The following RAB27A variants were observed in gnomAD, a reference collection of about 807,000 sequenced individuals.
The protein encoded by RAB27A is ras-related protein Rab-27A.
RAB27A carries 17 observed loss-of-function variants against 20.8 expected under a neutral mutation model. The ratio of observed to expected loss-of-function variants is 0.82; its 90% CI spans 0.56 to 1.23. The LOEUF is 1.23. RAB27A is among the 50% of genes most tolerant of loss of function. RAB27A has a pLI of 0.00. For missense variants in RAB27A, 277 were observed against 266.7 expected, an observed-to-expected ratio of 1.04 and a Z score of -0.27; for synonymous variants, 85 against 92.8, an observed-to-expected ratio of 0.92 and a Z score of 0.48.
At chr15:55,285,068 G>T (rs973192535) in intron 1 of RAB27A, among the ~76,000 whole-genome samples, 7 of 152,226 alleles carry the variant, frequency 4.6e-5, no homozygotes, top group African/African-American at 1.7e-4. Flanking sequence ...GTGCATTTTG[G>T]ATAAAGAACA....
chr15:55,306,352 C>T (rs903096140), intron 2 of RAB27A, among the ~76,000 whole-genome samples: 10 of 152,214 alleles, frequency 6.6e-5, no homozygotes, highest in Middle Eastern at 3.4e-3. Flanking sequence ...GGGCCGAGAC[C>T]TCATGAAACC....
At chr15:55,221,490 A>C (rs1306942036) in intron 6 of RAB27A, among the ~76,000 whole-genome samples, 2 of 152,248 alleles carry the variant, frequency 1.3e-5, no homozygotes, top group East Asian at 3.9e-4. Flanking sequence ...GGGACATTTC[A>C]GACTGGCCGG....
upstream of RAB27A, among the ~76,000 whole-genome samples, chr15:55,291,494 G>A (rs889445913): frequency 3.9e-5 from 5 of 126,660 alleles, no homozygotes; most frequent in East Asian, 2.4e-4. Flanking sequence ...CTGGGCGACC[G>A]AGCGAGACTC....
At chr15:55,246,516 T>C (rs1595712160) in intron 2 of RAB27A, among the ~76,000 whole-genome samples, 1 of 152,052 alleles carries the variant, frequency 6.6e-6, no homozygotes, top group African/African-American at 2.4e-5. Context: ...TGAATGTTTA[T>C]AGAGATTTAT....
intron 2 of RAB27A, among the ~76,000 whole-genome samples, chr15:55,241,100 T>G (rs1896460875): frequency 6.6e-6 from 1 of 152,182 alleles, no homozygotes; most frequent in Non-Finnish European, 1.5e-5. Flanking sequence ...CAAGGGTCAA[T>G]ATGCAGGCAA....
At chr15:55,217,423 G>A (rs1353538688) in intron 6 of RAB27A, among the ~76,000 whole-genome samples, 2 of 151,980 alleles carry the variant, frequency 1.3e-5, no homozygotes, top group East Asian at 3.9e-4. Context: ...ACTTTGGGAG[G>A]CCGAGACTTG....
chr15:55,254,564 T>A (rs1446444476), intron 2 of RAB27A, among the ~76,000 whole-genome samples: 9 of 152,184 alleles, frequency 5.9e-5, no homozygotes, highest in Non-Finnish European at 1.2e-4. Flanking sequence ...ATACATTCCT[T>A]TAGCTCTTAT....
At chr15:55,209,783 CATATGT>C (rs1894837668) in intron 6 of RAB27A, among the ~76,000 whole-genome samples, 1 of 123,640 alleles carries the variant, frequency 8.1e-6, no homozygotes, top group African/African-American at 4.4e-5. Context: ...TATATACACA[CATATGT>C]GTGTATGTAT....
chr15:55,281,567 C>A (rs992953885), intron 1 of RAB27A, among the ~76,000 whole-genome samples: 2 of 152,032 alleles, frequency 1.3e-5, no homozygotes, highest in African/African-American at 4.8e-5. Context: ...CAAAAATTAG[C>A]CCAGCATGGT....
intron 2 of RAB27A, among the ~76,000 whole-genome samples, chr15:55,266,215 T>C (rs551511628): frequency 3.3e-5 from 5 of 152,314 alleles, no homozygotes; most frequent in African/African-American, 4.8e-5. Flanking sequence ...CTTTCTGCCT[T>C]GTGAGAATAC....
At chr15:55,307,764 T>C (rs1050181286) in intron 2 of RAB27A, among the ~76,000 whole-genome samples, 3 of 150,340 alleles carry the variant, frequency 2.0e-5, no homozygotes, top group South Asian at 2.1e-4. Context: ...GGTAATTGCC[T>C]GTTCTTTGTT....
intron 2 of RAB27A, among the ~76,000 whole-genome samples, chr15:55,246,685 G>A (rs913983712): frequency 3.9e-5 from 6 of 151,942 alleles, no homozygotes; most frequent in Admixed American, 3.3e-4. Flanking sequence ...AGGTGTGGCT[G>A]TTTGATTTGC....
chr15:55,281,576 G>T lies in RAB27A; in HGVS notation c.-143+8140C>A, dbSNP rs184495024. 4.1e-4 allele frequency among the ~76,000 whole-genome samples: 63 copies of T among 152,172 alleles called. 1 individual carries two copies. Among genetic ancestry groups the T allele is most frequent in the Admixed American group, 2.1e-3 (32 of 15,276 alleles). On this transcript the variant is annotated intron_variant, in intron 1 of 6. Coordinates refer to ENST00000336787, the MANE Select transcript of RAB27A (RefSeq NM_183235.3). ...AAAATACAAAAATTAGCCCAGCATGGTGACATGCTCCTGTGGTCCTAGTTA... is the reference window on the plus strand; with the variant it reads ...AAAATACAAAAATTAGCCCAGCATGTTGACATGCTCCTGTGGTCCTAGTTA...
At chr15:55,253,231 T>C (rs1896959327) in intron 2 of RAB27A, among the ~76,000 whole-genome samples, 1 of 150,146 alleles carries the variant, frequency 6.7e-6, no homozygotes, top group African/African-American at 2.5e-5. Context: ...ACAGATCACC[T>C]GAGGTCAGGT....
chr15:55,262,490 C>T (rs1311928960), intron 2 of RAB27A, among the ~76,000 whole-genome samples: 2 of 147,418 alleles, frequency 1.4e-5, no homozygotes, highest in Non-Finnish European at 1.5e-5. Flanking sequence ...TGCAGTGAGC[C>T]GAGATCACGC....
intron 2 of RAB27A, among the ~76,000 whole-genome samples, chr15:55,297,088 C>T (rs892637555): frequency 1.3e-5 from 2 of 152,122 alleles, no homozygotes; most frequent in African/African-American, 2.4e-5. Context: ...AAGCCTTTAT[C>T]GGTACAACAG....
At chr15:55,302,415 G>A (rs889335362) in intron 2 of RAB27A, among the ~76,000 whole-genome samples, 4 of 151,986 alleles carry the variant, frequency 2.6e-5, no homozygotes, top group African/African-American at 4.8e-5. Flanking sequence ...GCATGATCTC[G>A]GCTCACTACA....
chr15:55,311,789 C>T (rs1260169162), intron 2 of RAB27A, among the ~76,000 whole-genome samples: 2 of 152,100 alleles, frequency 1.3e-5, no homozygotes, highest in Non-Finnish European at 2.9e-5. Flanking sequence ...TCCAGTTGGT[C>T]CCAATTCTCC....
intron 2 of RAB27A, among the ~76,000 whole-genome samples, chr15:55,301,742 T>C (rs190386533): frequency 1.4e-5 from 2 of 142,546 alleles, no homozygotes; most frequent in Admixed American, 1.5e-4. Context: ...GCCCCCTGGG[T>C]TCAAGCAATT....
Sources: gnomAD v4.1 joint callset for allele counts (sites outside exome capture counted in the v4.1 genomes callset) on GRCh38, gnomAD v4.1.1 for gene constraint, MANE v1.5 for transcripts, NCBI Gene and HGNC (gene_info 2026-07-23, HGNC 2026-07-21) for gene names.